The following ASTN2 variants were observed in gnomAD, a reference collection of about 807,000 sequenced individuals.
ASTN2 encodes the protein astrotactin 2.
Under a neutral mutation model 139.8 loss-of-function variants are expected in ASTN2, and 54 were observed. That is an observed-to-expected ratio of 0.39 (90% CI 0.31 to 0.48). The LOEUF (loss-of-function observed/expected upper bound fraction) is 0.48, where lower values mean the gene tolerates loss of function less well. Among genes scored for constraint, ASTN2 ranks in the 20% least tolerant of loss-of-function variants. The pLI, the probability that ASTN2 is intolerant of heterozygous loss-of-function variation, is 0.95. For synonymous variants in ASTN2, 756 were observed against 719.5 expected (o/e 1.05, Z -0.81); for missense variants, 1,565 against 1,725.1 (o/e 0.91, Z 1.64).
chr9:117,109,297 A>T (rs1359481332), intron 4 of ASTN2, among the ~76,000 whole-genome samples: 1 of 151,622 alleles, frequency 6.6e-6, no homozygotes, highest in African/African-American at 2.4e-5. Flanking sequence ...ATTAATTAAT[A>T]AATAAATAAA....
At chr9:117,216,596 G>T (rs1832327713) in intron 2 of ASTN2, among the ~76,000 whole-genome samples, 1 of 152,190 alleles carries the variant, frequency 6.6e-6, no homozygotes, top group African/African-American at 2.4e-5. Flanking sequence ...TACCAGAGGT[G>T]ATTATGTATA....
At chr9:117,087,638 C>T (rs1828602655) in intron 5 of ASTN2, among the ~76,000 whole-genome samples, 1 of 152,192 alleles carries the variant, frequency 6.6e-6, no homozygotes, top group Non-Finnish European at 1.5e-5. Context: ...AGCAATGAAA[C>T]AATTGCATGG....
intron 3 of ASTN2, chr9:117,181,264 A>C: frequency 2.1e-6 from 1 of 482,386 alleles, no homozygotes; most frequent in Non-Finnish European, 3.7e-6. Context: ...TCACATAACT[A>C]TTTCAGAGAT....
intron 1 of ASTN2, among the ~76,000 whole-genome samples, chr9:117,333,405 T>C (rs1828779345): frequency 6.6e-6 from 1 of 152,142 alleles, no homozygotes; most frequent in Non-Finnish European, 1.5e-5. Context: ...ATCTCTAATA[T>C]GAGGAAACCA....
At chr9:116,528,518 T>C (rs978019001) in intron 19 of ASTN2, among the ~76,000 whole-genome samples, 5 of 152,168 alleles carry the variant, frequency 3.3e-5, no homozygotes, top group Admixed American at 1.3e-4. Flanking sequence ...AGACTGCCCA[T>C]GTGGTAGAAA....
chr9:117,099,412 C>T (rs116203174), intron 4 of ASTN2, among the ~76,000 whole-genome samples: 1 of 152,188 alleles, frequency 6.6e-6, no homozygotes, highest in South Asian at 2.1e-4. Flanking sequence ...AAACACATGA[C>T]CTGTTATGGC....
chr9:116,516,366 T>G (rs1041498227), intron 19 of ASTN2, among the ~76,000 whole-genome samples: 18 of 152,232 alleles, frequency 1.2e-4, no homozygotes, highest in Non-Finnish European at 4.4e-5. Flanking sequence ...ACTATTATTA[T>G]TAATGCATCA....
chr9:117,127,932 G>T (rs867120802), intron 4 of ASTN2, among the ~76,000 whole-genome samples: 2 of 151,858 alleles, frequency 1.3e-5, no homozygotes, highest in Admixed American at 1.3e-4. Flanking sequence ...CACCCGCCTC[G>T]GCCTCCCAAA....
intron 22 of ASTN2, among the ~76,000 whole-genome samples, chr9:116,439,194 A>ATTTTTTTTTTTTTTTTTTTTT (rs1016270368): frequency 2.1e-4 from 12 of 56,726 alleles, no homozygotes; most frequent in South Asian, 9.9e-4. Flanking sequence ...ATTCAAATAC[A>ATTTTTTTTTTTTTTTTTTTTT]TTTTTTTTTT....
At chr9:116,649,572 CAAAA>C (rs35946741) in intron 17 of ASTN2, among the ~76,000 whole-genome samples, 1 of 137,598 alleles carries the variant, frequency 7.3e-6, no homozygotes. Context: ...AAAACTGTCT[CAAAA>C]AAAAAAAAAA....
In ASTN2 at chr9:117,222,429, G is replaced by A. The variant is rs1832555603; in HGVS notation, c.631-7687C>T. On this transcript the variant is annotated intron_variant, in intron 2 of 22. Coordinates refer to ENST00000313400, the MANE Select transcript of ASTN2 (RefSeq NM_001365068.1). ...GGGAGCAGAGACTGGGGCCTGAAAG[G>A]AGACTTGTCAGAGTACGTGGAGCCT... Among the ~76,000 whole-genome samples, 3 of 152,142 alleles carry A rather than the reference G, an allele frequency of 2.0e-5. No individual in the cohort carries two copies. In the South Asian group the frequency reaches 6.2e-4, roughly 32 times the overall value.
At chr9:116,851,230 T>TA (rs1189246188) in intron 11 of ASTN2, among the ~76,000 whole-genome samples, 18 of 151,748 alleles carry the variant, frequency 1.2e-4, no homozygotes, top group East Asian at 5.8e-4. Flanking sequence ...GGGAAAACTG[T>TA]AAAAAAAACA....
chr9:117,277,123 G>A (rs933563548), intron 2 of ASTN2: 5 of 152,084 alleles, frequency 3.3e-5, no homozygotes, highest in East Asian at 1.9e-4. Flanking sequence ...TGTATGCTCC[G>A]TTGAAGAGGA....
At chr9:117,210,417 G>C (rs1037464648) in intron 3 of ASTN2, among the ~76,000 whole-genome samples, 6 of 151,950 alleles carry the variant, frequency 3.9e-5, no homozygotes, top group Non-Finnish European at 7.4e-5. Flanking sequence ...AAAGTCAAAG[G>C]CTATTATGAA....
At position 117,365,000 on chromosome 9, in the gene ASTN2, A is replaced by ACACACACAC. The variant is rs1564167766; in HGVS notation, c.442+49496_442+49497insGTGTGTGTG. On this transcript the variant is annotated intron_variant, in intron 1 of 22. Coordinates refer to ENST00000313400, the MANE Select transcript of ASTN2 (RefSeq NM_001365068.1). Reference sequence around the variant, plus strand: ...ACACACACACACACACACACACACAAAATCAGCCATGCATTATGGCATGCA... The same window carrying ACACACACAC: ...ACACACACACACACACACACACACAACACACACACAATCAGCCATGCATTATGGCATGCA... 2.7e-4 allele frequency among the ~76,000 whole-genome samples: 26 copies of ACACACACAC among 96,304 alleles called. 1 individual carries two copies. Among genetic ancestry groups the ACACACACAC allele is most frequent in the East Asian group, 7.8e-4 (2 of 2,576 alleles). 63.2% of individuals were successfully genotyped at this position (96,304 alleles called of 152,430 possible).
chr9:116,676,485 G>A (rs1367109480), intron 16 of ASTN2, among the ~76,000 whole-genome samples: 1 of 152,154 alleles, frequency 6.6e-6, no homozygotes, highest in Non-Finnish European at 1.5e-5. Flanking sequence ...TTTGCTACAG[G>A]TCCCTGAAAC....
chr9:117,319,631 T>A (rs895232895), intron 1 of ASTN2, among the ~76,000 whole-genome samples: 12 of 151,466 alleles, frequency 7.9e-5, no homozygotes, highest in African/African-American at 2.4e-4. Flanking sequence ...TTGGAGGATT[T>A]CGCCATGTTG....
At chr9:117,383,979 C>T (rs776939437) in intron 1 of ASTN2, among the ~76,000 whole-genome samples, 19 of 152,150 alleles carry the variant, frequency 1.2e-4, no homozygotes, top group Non-Finnish European at 2.4e-4. Flanking sequence ...GCTCACATGG[C>T]AGAAAATCAC....
At chr9:116,509,470 T>C (rs890120284) in intron 19 of ASTN2, among the ~76,000 whole-genome samples, 4 of 152,294 alleles carry the variant, frequency 2.6e-5, no homozygotes, top group East Asian at 1.9e-4. Context: ...AATAAACATA[T>C]GTGTGCATGT....
Sources: gnomAD v4.1 joint callset for allele counts (sites outside exome capture counted in the v4.1 genomes callset) on GRCh38, gnomAD v4.1.1 for gene constraint, MANE v1.5 for transcripts, NCBI Gene and HGNC (gene_info 2026-07-23, HGNC 2026-07-21) for gene names.